GUF1: variants seen among roughly 807,000 people sequenced by gnomAD.
GUF1 encodes the protein GTP binding elongation factor GUF1.
GUF1 carries 78 observed loss-of-function variants against 82.4 expected under a neutral mutation model. That is an observed-to-expected ratio of 0.95 (90% CI 0.79 to 1.14). The LOEUF is 1.14. Ranked by LOEUF, GUF1 falls within the 50% of genes most tolerant of loss-of-function variation. The pLI is 0.00. For missense variants in GUF1, 814 were observed against 798.2 expected (o/e 1.02, Z -0.24); for synonymous variants, 279 against 282.3 (o/e 0.99, Z 0.12).
chr4:44,681,345 G>A, intron 4 of GUF1, 142 bp downstream of exon 4: 1 of 605,452 alleles, frequency 1.7e-6, no homozygotes, highest in Non-Finnish European at 3.0e-6. Flanking sequence ...AAATCATATG[G>A]TTTCATCCTG....
rs1221252266 is a variant in GUF1, at chr4:44,694,393, T to C, written c.1614-19T>C. The C allele has an allele frequency of 1.4e-6, 2 of 1,468,846 alleles. No individual in the cohort carries two copies. Among genetic ancestry groups the C allele is most frequent in the Admixed American group, 1.7e-5 (1 of 59,588 alleles). The allele number at this position is 1,468,846 out of a possible 1,614,324, so 91.0% of individuals were successfully genotyped here. A position where few individuals can be genotyped will look rare whatever the true frequency, so the allele number is the denominator to read the frequency against. ...CTCAGGAAGTGTAATATTTATCACT[T>C]GGACTTTTTTCCTTTTAGTTTTGAT... On this transcript the variant is annotated intron_variant, in intron 13 of 16. Transcript: ENST00000281543.
Position 44,697,406 on chromosome 4 carries a change from AGT to A in GUF1, c.1838_1839del (p.Val613GlufsTer4), listed in dbSNP as rs1715897124. ...ACTTAAACGAATTTTTCTCTTTTAC[AGT>A]GTGAAAGCCTATAGGAAAAACGTTT... On this transcript the variant is annotated splice_acceptor_variant and coding_sequence_variant, in exon 16 of 17. Transcript: ENST00000281543. LOFTEE classifies it high-confidence loss of function. The A allele has an allele frequency of 6.4e-7, 1 of 1,554,236 alleles. No individual in the cohort carries two copies. Among genetic ancestry groups the A allele is most frequent in the Non-Finnish European group, 8.8e-7 (1 of 1,138,818 alleles).
In GUF1 at chr4:44,695,646, T is replaced by G; in HGVS notation, c.1747T>G (p.Cys583Gly). 6.2e-7 allele frequency: 1 copy of G among 1,613,066 alleles called. No homozygotes were observed. The highest frequency in any genetic ancestry group is 8.5e-7 in the Non-Finnish European group (1 of 1,179,238). Residue 583 changes from cysteine to glycine, a missense_variant, in exon 15 of 17, where the codon TGT becomes GGT. By Grantham distance (159) the Cys-to-Gly change is radical. Transcript: ENST00000281543. ...AGCTCATTCAATTGGCAAAGCCATA[T>G]GTGAACGGCTGAAGGATTCTCTTCC... The part of the protein sequence containing the change: ...DKAHSIGKAI[C>G]ERLKDSLPRQ...
intron 6 of GUF1, among the ~76,000 whole-genome samples, chr4:44,684,189 A>G (rs938125064): frequency 1.3e-5 from 2 of 152,128 alleles, no homozygotes; most frequent in Non-Finnish European, 2.9e-5. Context: ...TCATTCGACA[A>G]ATTGTTATTA....
chr4:44,691,688 A>G lies in GUF1; in HGVS notation c.1502A>G (p.Asn501Ser). The G allele has an allele frequency of 2.5e-6, 4 of 1,592,516 alleles. No homozygotes were observed. The highest frequency in any genetic ancestry group is 3.4e-6 in the Non-Finnish European group (4 of 1,167,626). ...TAGGCTCGAAGAGCAGTTCAGAAGA[A>G]TATGATATTTATTGATCAAAATAGA... ...LCEARRAVQK[N>S]MIFIDQNRVM... Residue 501 changes from asparagine (N) to serine (S), a missense_variant, in exon 13 of 17, where the codon AAT (asparagine) becomes AGT (serine). Transcript: ENST00000281543.
chr4:44,691,710 TAG>T lies in GUF1; in HGVS notation c.1527_1528del (p.Arg509SerfsTer4), dbSNP rs763300702. 3.2e-6 allele frequency: 5 copies of T among 1,584,672 alleles called. No homozygotes were observed. The highest frequency in any genetic ancestry group is 4.5e-5 in the East Asian group (2 of 44,230). ...AGAATATGATATTTATTGATCAAAA[TAG>T]AGTTATGCTTAAATATCTCTTTCCT... is the stretch of plus-strand genomic sequence containing the variant. ...QKNMIFIDQN[R>X]VMLKYLFPLN... is the part of the protein sequence containing the mutation. On this transcript the variant is annotated frameshift_variant, in exon 13 of 17. Transcript: ENST00000281543. LOFTEE classifies it high-confidence loss of function.
intron 3 of GUF1, 32 bp from the exon 4 acceptor site, chr4:44,681,091 C>T (rs771674137): frequency 2.6e-6 from 4 of 1,549,020 alleles, no homozygotes; most frequent in Non-Finnish European, 3.6e-6. Context: ...AATTAACTCA[C>T]ATTTACAGGT....
At chr4:44,679,271 T>G (rs1011894904) in intron 1 of GUF1, among the ~76,000 whole-genome samples, 1 of 152,206 alleles carries the variant, frequency 6.6e-6, no homozygotes, top group African/African-American at 2.4e-5. Flanking sequence ...AGTGGACTTT[T>G]TTAGACTAAT....
intron 4 of GUF1, 50 bp from the exon 5 acceptor site, chr4:44,682,284 G>C: frequency 1.0e-6 from 1 of 961,658 alleles, no homozygotes; most frequent in Non-Finnish European, 1.5e-6. Flanking sequence ...CAAGTTTTGT[G>C]ATATATAATA....
rs1716118421 is a variant in GUF1 at position 44,699,948 on chromosome 4, ACAGCCAGTAAATG to A, written c.*1268_*1280del. On this transcript the variant is annotated 3_prime_UTR_variant, in exon 17 of 17. Transcript: ENST00000281543. The stretch of plus-strand genomic sequence containing the variant: ...TTTAGAGTAGTTAACTTGAGATTTC[ACAGCCAGTAAATG>A]GCTGTATTTCTCCAGAGCTCTCAGC... The A allele has an allele frequency of 2.6e-5, 4 of 152,230 alleles. No individual in the cohort carries two copies. 9.4% of individuals were successfully genotyped at this position (152,230 alleles called of 1,614,324 possible).
intron 7 of GUF1, 119 bp downstream of exon 7, chr4:44,686,142 A>T: frequency 1.4e-6 from 1 of 725,436 alleles, no homozygotes; most frequent in Non-Finnish European, 2.4e-6. Flanking sequence ...GGATGTGGCA[A>T]ATATTCTTGC....
Position 44,689,403 on chromosome 4 carries a change from G to A in GUF1, c.1196G>A (p.Gly399Asp), listed in dbSNP as rs1306369978. The change falls in exon 10 of 17, where the codon GGC becomes GAC. Residue 399 changes from glycine (G) to aspartate (D), a missense_variant. Coordinates refer to ENST00000281543, the MANE Select transcript of GUF1 (RefSeq NM_021927.3). The stretch of plus-strand genomic sequence containing the variant: ...GATAGTAGCCTTGCTCTGGGTGCTG[G>A]CTGGAGGTAAGATTCATTCACATGT... ...HRDSSLALGA[G>D]WRLGFLGLLH... is the part of the protein sequence containing the mutation. 3 of 1,602,964 alleles carry A rather than the reference G, an allele frequency of 1.9e-6. No individual in the cohort carries two copies. In the African/African-American group the frequency reaches 4.0e-5, roughly 22 times the overall value.
chr4:44,691,584 T>C, intron 12 of GUF1, 82 bp from the exon 13 acceptor site: 1 of 1,067,000 alleles, frequency 9.4e-7, no homozygotes, highest in Non-Finnish European at 1.4e-6. Context: ...TATAAGTTTT[T>C]ACTAGACCTT....
In GUF1 at chr4:44,682,322, T is replaced by A; in HGVS notation, c.508-12T>A. 4 of 1,478,116 alleles carry A rather than the reference T, an allele frequency of 2.7e-6. No homozygotes were observed. The highest frequency in any genetic ancestry group is 2.7e-6 in the Non-Finnish European group (3 of 1,101,876). The allele number at this position is 1,478,116 out of a possible 1,614,324, so 91.6% of individuals were successfully genotyped here. On this transcript the variant is annotated splice_polypyrimidine_tract_variant and intron_variant, in intron 4 of 16. Transcript: ENST00000281543. ...ATGGTCATCTCAGTATCTTGTATCT[T>A]GATATTTTCAGGGAATTCAAGCCCA...
In GUF1 at chr4:44,678,536, ATCCT is replaced by A; in HGVS notation, c.-86_-83del. 9.1e-7 allele frequency: 1 copy of A among 1,094,996 alleles called. No homozygotes were observed. The highest frequency in any genetic ancestry group is 1.2e-6 in the Non-Finnish European group (1 of 815,800). The allele number at this position is 1,094,996 out of a possible 1,614,324, so 67.8% of individuals were successfully genotyped here. A position where few individuals can be genotyped will look rare whatever the true frequency, so the allele number is the denominator to read the frequency against. On this transcript the variant is annotated 5_prime_UTR_variant, in exon 1 of 17. Coordinates refer to ENST00000281543, the MANE Select transcript of GUF1 (RefSeq NM_021927.3). ...GATCTGTTTGAGTCCTGTCCACCGGATCCTACGGGGGGTACCTTCGAAAAAAAAC... is the reference window on the plus strand; with the variant it reads ...GATCTGTTTGAGTCCTGTCCACCGGAACGGGGGGTACCTTCGAAAAAAAAC...
chr4:44,681,160 T>C lies in GUF1; in HGVS notation c.464T>C (p.Leu155Pro), dbSNP rs764163233. The C allele has an allele frequency of 1.2e-6, 2 of 1,613,164 alleles. No individual in the cohort carries two copies. The highest frequency in any genetic ancestry group is 1.6e-4 in the Middle Eastern group (1 of 6,078). Reference sequence around the variant, plus strand: ...TTTAGTTATGAAGTATCCAGGTCACTTTCTGCTTGCCAGGGTGTTTTACTT... The same window carrying C: ...TTTAGTTATGAAGTATCCAGGTCACCTTCTGCTTGCCAGGGTGTTTTACTT... ...VDFSYEVSRS[L>P]SACQGVLLVV... is the part of the protein sequence containing the mutation. The change falls in exon 4 of 17, where the codon CTT becomes CCT. Residue 155 changes from leucine (L) to proline (P), a missense_variant. Transcript: ENST00000281543.
intron 3 of GUF1, 121 bp downstream of exon 3, chr4:44,680,963 C>T (rs939831318): frequency 1.8e-6 from 2 of 1,115,918 alleles, no homozygotes; most frequent in African/African-American, 3.1e-5. Flanking sequence ...TTTGTTTTCT[C>T]AGTGTTCTTA....
chr4:44,693,281 T>C (rs977119259), intron 13 of GUF1, among the ~76,000 whole-genome samples: 2 of 152,076 alleles, frequency 1.3e-5, no homozygotes, highest in Non-Finnish European at 2.9e-5. Context: ...TAGGTATCAA[T>C]TGGACTGCTT....
chr4:44,695,855 A>G (rs1315529514), intron 15 of GUF1, 121 bp downstream of exon 15: 4 of 937,652 alleles, frequency 4.3e-6, no homozygotes, highest in Admixed American at 2.5e-5. Flanking sequence ...TAGAAACAGT[A>G]TGATGGTGCT....
Sources: allele counts gnomAD v4.1 joint callset (sites outside exome capture counted in the v4.1 genomes callset), GRCh38; gene constraint gnomAD v4.1.1; transcripts MANE v1.5; gene names NCBI Gene and HGNC (gene_info 2026-07-23, HGNC 2026-07-21).